ARL15: variants seen among roughly 807,000 people sequenced by gnomAD.
The protein encoded by ARL15 is ADP-ribosylation factor-like protein 15.
A neutral mutation model predicts 25.2 loss-of-function variants in ARL15; 19 were observed. The observed-to-expected ratio is 0.75, with a 90% CI of 0.53 to 1.10. The LOEUF is 1.10. Among genes scored for constraint, ARL15 ranks in the 50% least tolerant of loss-of-function variants. ARL15 has a pLI of 0.00. For missense variants in ARL15, 220 were observed against 246.0 expected, an observed-to-expected ratio of 0.89 and a Z score of 0.71; for synonymous variants, 94 against 86.8, an observed-to-expected ratio of 1.08 and a Z score of -0.46.
At chr5:54,205,083 G>A (rs936418130) in intron 1 of ARL15, among the ~76,000 whole-genome samples, 4 of 151,894 alleles carry the variant, frequency 2.6e-5, no homozygotes, top group African/African-American at 9.7e-5. Flanking sequence ...TTACGGGTGT[G>A]AGCCACCACG....
At chr5:54,110,726 A>G (rs1752715603) in intron 4 of ARL15, among the ~76,000 whole-genome samples, 1 of 152,070 alleles carries the variant, frequency 6.6e-6, no homozygotes, top group African/African-American at 2.4e-5. Flanking sequence ...TTATCTAAAT[A>G]CATTTCTAGT....
At chr5:54,129,596 T>G (rs970470093) in intron 3 of ARL15, among the ~76,000 whole-genome samples, 6 of 152,184 alleles carry the variant, frequency 3.9e-5, no homozygotes, top group African/African-American at 9.7e-5. Flanking sequence ...TAGCATGCAA[T>G]AGCCACCCAC....
chr5:54,217,139 TATTTTGTA>T (rs1191235432), intron 1 of ARL15, among the ~76,000 whole-genome samples: 1 of 151,678 alleles, frequency 6.6e-6, no homozygotes, highest in Non-Finnish European at 1.5e-5. Flanking sequence ...CCTCCCAAAG[TATTTTGTA>T]AAACAAAATA....
At chr5:54,111,426 C>T (rs552613911) in intron 4 of ARL15, among the ~76,000 whole-genome samples, 1 of 152,110 alleles carries the variant, frequency 6.6e-6, no homozygotes, top group Admixed American at 6.5e-5. Context: ...AAGGAATACT[C>T]AGAAGCAATT....
intron 3 of ARL15, among the ~76,000 whole-genome samples, chr5:54,118,208 ACAAT>A (rs1177870247): frequency 2.6e-5 from 4 of 152,182 alleles, no homozygotes; most frequent in Non-Finnish European, 5.9e-5. Flanking sequence ...ATCAAAGAAG[ACAAT>A]CAACAGTTAC....
At chr5:54,185,140 A>C (rs1236664778) in intron 1 of ARL15, among the ~76,000 whole-genome samples, 2 of 152,242 alleles carry the variant, frequency 1.3e-5, no homozygotes, top group East Asian at 3.9e-4. Flanking sequence ...AATTGATAAT[A>C]ATATTAATTA....
At chr5:53,906,382 G>T (rs188600515) in intron 4 of ARL15, among the ~76,000 whole-genome samples, 1 of 152,234 alleles carries the variant, frequency 6.6e-6, no homozygotes, top group Admixed American at 6.5e-5. Context: ...ACAGGTTCCA[G>T]CATGACCACT....
At chr5:53,988,015 A>G (rs1748351915) in intron 4 of ARL15, among the ~76,000 whole-genome samples, 2 of 152,104 alleles carry the variant, frequency 1.3e-5, no homozygotes, top group South Asian at 4.1e-4. Flanking sequence ...AGGCAGGAGA[A>G]TGGCATGAAC....
chr5:54,036,724 A>C (rs1750178999), intron 4 of ARL15, among the ~76,000 whole-genome samples: 1 of 152,218 alleles, frequency 6.6e-6, no homozygotes, highest in Non-Finnish European at 1.5e-5. Flanking sequence ...TTTCAGAATC[A>C]ATTATATTTA....
At chr5:54,298,821 C>T (rs1224673226) in intron 1 of ARL15, among the ~76,000 whole-genome samples, 1 of 152,018 alleles carries the variant, frequency 6.6e-6, no homozygotes, top group Non-Finnish European at 1.5e-5. Flanking sequence ...ACATCACACT[C>T]TCCAGGTTTC....
chr5:53,890,003 G>C (rs368858834), intron 4 of ARL15, among the ~76,000 whole-genome samples: 27 of 152,200 alleles, frequency 1.8e-4, no homozygotes, highest in African/African-American at 6.3e-4. Context: ...AGTAGAGACA[G>C]AATTTCACCA....
intron 4 of ARL15, among the ~76,000 whole-genome samples, chr5:54,047,381 C>G (rs1750554803): frequency 6.6e-6 from 1 of 152,174 alleles, no homozygotes; most frequent in South Asian, 2.1e-4. Flanking sequence ...CTGTGTTGGT[C>G]TCATTCTCTC....
chr5:54,285,031 T>C (rs1276720935), intron 1 of ARL15, among the ~76,000 whole-genome samples: 1 of 152,218 alleles, frequency 6.6e-6, no homozygotes, highest in East Asian at 1.9e-4. Flanking sequence ...ACATAAGGCA[T>C]AACTTGGAAT....
chr5:54,134,773 T>C (rs1753551262), intron 3 of ARL15, among the ~76,000 whole-genome samples: 1 of 151,698 alleles, frequency 6.6e-6, no homozygotes, highest in African/African-American at 2.4e-5. Flanking sequence ...TTAGTAGAGA[T>C]GAGGTTTCAC....
chr5:54,217,214 T>A (rs894887334), intron 1 of ARL15, among the ~76,000 whole-genome samples: 3 of 147,374 alleles, frequency 2.0e-5, no homozygotes, highest in Non-Finnish European at 3.0e-5. Context: ...TTTTTTTTTT[T>A]TAAAAAGGGA....
intron 4 of ARL15, chr5:54,048,426 G>A (rs1156321413): frequency 2.2e-5 from 3 of 139,380 alleles, no homozygotes; most frequent in Non-Finnish European, 4.6e-5. Context: ...TTTTTGAGAT[G>A]GGGTCTCACT....
At chr5:54,123,547 T>C (rs1299458968) in intron 3 of ARL15, among the ~76,000 whole-genome samples, 2 of 152,238 alleles carry the variant, frequency 1.3e-5, no homozygotes, top group Non-Finnish European at 2.9e-5. Flanking sequence ...AGGATGCTAG[T>C]AACATGATCA....
chr5:54,175,943 A>C lies in ARL15; in HGVS notation c.49-4015T>G, dbSNP rs563365796. Among the ~76,000 whole-genome samples, 4 of 152,090 alleles carry C rather than the reference A, an allele frequency of 2.6e-5. No individual in the cohort carries two copies. In the South Asian group the frequency reaches 8.3e-4, roughly 32 times the overall value. On this transcript the variant is annotated intron_variant, in intron 1 of 4. Coordinates refer to ENST00000504924, the MANE Select transcript of ARL15 (RefSeq NM_019087.3). ...CTGAGATTACACACGTGAGCCACTG[A>C]GCCTGGTCTCTCTTCCCTTTTTATA...
chr5:54,168,975 A>C (rs896802653), intron 2 of ARL15, among the ~76,000 whole-genome samples: 4 of 152,202 alleles, frequency 2.6e-5, no homozygotes, highest in African/African-American at 7.2e-5. Flanking sequence ...AGCTTCCTCC[A>C]AAGAGGCCTC....
Sources: gnomAD v4.1 joint callset for allele counts (sites outside exome capture counted in the v4.1 genomes callset) on GRCh38, gnomAD v4.1.1 for gene constraint, MANE v1.5 for transcripts, NCBI Gene and HGNC (gene_info 2026-07-23, HGNC 2026-07-21) for gene names.